HYDIN: variants seen among roughly 807,000 people sequenced by gnomAD.
HYDIN encodes HYDIN axonemal central pair apparatus protein.
Under a neutral mutation model 403.9 loss-of-function variants are expected in HYDIN, and 132 were observed. The ratio of observed to expected loss-of-function variants is 0.33; its 90% confidence interval spans 0.28 to 0.38. The LOEUF (loss-of-function observed/expected upper bound fraction) is 0.38, where lower values mean the gene tolerates loss of function less well. HYDIN is among the 10% of genes least tolerant of loss of function. HYDIN has a pLI of 1.00. For synonymous variants in HYDIN, 1,202 were observed against 1,891.7 expected, an observed-to-expected ratio of 0.64 and a Z score of 9.46; for missense variants, 2,827 against 5,009.5, an observed-to-expected ratio of 0.56 and a Z score of 13.15.
intron 68 of HYDIN, 67 bp from the exon 69 acceptor site, chr16:70,862,322 C>T: frequency 1.1e-6 from 1 of 910,314 alleles, no homozygotes; most frequent in Non-Finnish European, 1.7e-6. Context: ...AGGGAGCCCA[C>T]TTACAGGTCC....
At position 71,069,522 on chromosome 16, in the gene HYDIN, G is replaced by A. The variant is rs2082389787; in HGVS notation, c.1739-20C>T. ...GAAACCCTGGAAAACAAAATATGAT[G>A]TGAGAAATAAAAGCCCCCCCAACAC... On this transcript the variant is annotated intron_variant, in intron 13 of 85. Transcript: ENST00000393567. 1.2e-6 allele frequency: 2 copies of A among 1,607,066 alleles called. No homozygotes were observed. The highest frequency in any genetic ancestry group is 1.1e-5 in the South Asian group (1 of 90,460).
intron 53 of HYDIN, among the ~76,000 whole-genome samples, chr16:70,896,570 G>A (rs894911195): frequency 5.9e-5 from 9 of 151,310 alleles, no homozygotes; most frequent in African/African-American, 2.0e-4. Context: ...TGCCTAGGCT[G>A]GTCTTGAACT....
intron 1 of HYDIN, among the ~76,000 whole-genome samples, chr16:71,189,174 C>T (rs2087297167): frequency 1.3e-5 from 2 of 152,098 alleles, no homozygotes; most frequent in Admixed American, 6.6e-5. Context: ...GGAATCTATC[C>T]AAATGATACA....
rs1197502080 is a variant in HYDIN at position 70,920,979 on chromosome 16, T to A, written c.7397A>T (p.Asp2466Val). Residue 2466 changes from aspartate to valine, a missense_variant, in exon 46 of 86, where the codon GAT (aspartate) becomes GTT (valine). Transcript: ENST00000393567. ...KFKTYELTLK[D>V]VQNILMYWDR... ...CCAGTACATGAGGATGTTCTGGACA[T>A]CCTTCAGTGTCAATTCATAGGTCTT... 2 of 1,588,780 alleles carry A rather than the reference T, an allele frequency of 1.3e-6. No individual in the cohort carries two copies. The highest frequency in any genetic ancestry group is 1.7e-6 in the Non-Finnish European group (2 of 1,164,244).
chr16:71,057,785 C>T (rs2081949600), intron 18 of HYDIN, among the ~76,000 whole-genome samples: 1 of 145,038 alleles, frequency 6.9e-6, no homozygotes, highest in Admixed American at 7.0e-5. Flanking sequence ...GGGCGAAGGA[C>T]ATGAACAGAC....
At chr16:71,202,876 T>C (rs943608573) in intron 1 of HYDIN, among the ~76,000 whole-genome samples, 8 of 152,164 alleles carry the variant, frequency 5.3e-5, no homozygotes, top group Non-Finnish European at 1.0e-4. Context: ...AAGAACCCAC[T>C]GCCCTCTCCA....
intron 7 of HYDIN, among the ~76,000 whole-genome samples, chr16:71,146,034 GTTGT>G (rs1395251952): frequency 6.6e-6 from 1 of 152,104 alleles, no homozygotes; most frequent in African/African-American, 2.4e-5. Flanking sequence ...CATATGTAGA[GTTGT>G]TTATTTATAA....
At chr16:71,153,420 G>A (rs917999616) in intron 6 of HYDIN, among the ~76,000 whole-genome samples, 76 of 151,090 alleles carry the variant, frequency 5.0e-4, no homozygotes, top group African/African-American at 1.6e-3. Flanking sequence ...TAACAGTAGC[G>A]CTGCCACAAA....
intron 1 of HYDIN, among the ~76,000 whole-genome samples, chr16:71,219,356 A>T (rs952702714): frequency 2.0e-5 from 3 of 152,270 alleles, no homozygotes; most frequent in African/African-American, 7.2e-5. Context: ...AAATTACAAG[A>T]GATTGCTTTT....
chr16:70,993,052 G>A (rs1400086335), intron 23 of HYDIN, among the ~76,000 whole-genome samples: 1 of 152,040 alleles, frequency 6.6e-6, no homozygotes, highest in Non-Finnish European at 1.5e-5. Context: ...GTACTCAGAG[G>A]CTCAGCACAA....
intron 18 of HYDIN, among the ~76,000 whole-genome samples, chr16:71,036,221 T>C (rs1438154957): frequency 7.3e-5 from 11 of 151,438 alleles, no homozygotes; most frequent in Non-Finnish European, 1.0e-4. Flanking sequence ...AGAGTTCACA[T>C]CCATCTGCTT....
intron 23 of HYDIN, among the ~76,000 whole-genome samples, chr16:71,017,369 A>G (rs2080298713): frequency 1.5e-5 from 2 of 132,752 alleles, no homozygotes; most frequent in African/African-American, 3.0e-5. Flanking sequence ...AAAAAAAAAA[A>G]GTGTTTGGCA....
At position 71,179,013 on chromosome 16, in the gene HYDIN, T is replaced by C; in HGVS notation, c.296A>G (p.Gln99Arg). 6.2e-7 allele frequency: 1 copy of C among 1,612,068 alleles called. No individual in the cohort carries two copies. The highest frequency in any genetic ancestry group is 8.5e-7 in the Non-Finnish European group (1 of 1,178,342). The change falls in exon 4 of 86, where the codon CAG becomes CGG. Residue 99 changes from glutamine to arginine, a missense_variant. Coordinates refer to ENST00000393567, the MANE Select transcript of HYDIN (RefSeq NM_001270974.2). ...AAATATAATTTCTGATGGAAAGGGC[T>C]GGAATAATGCCTGATCCAGGTCAAT... ...SGIDLDQALF[Q>R]PFPSEIIFQN...
Position 70,908,832 on chromosome 16 carries a change from C to G in HYDIN, c.8034G>C (p.Lys2678Asn). 6.2e-7 allele frequency: 1 copy of G among 1,614,172 alleles called. No individual in the cohort carries two copies. The highest frequency in any genetic ancestry group is 8.5e-7 in the Non-Finnish European group (1 of 1,180,032). Residue 2678 changes from lysine to asparagine, a missense_variant, in exon 48 of 86, where the codon AAG becomes AAC. Transcript: ENST00000393567. ...TTTCTTTCATTTTCTGTTTGCCCCC[C>G]TTAGATGAGCTGGTCTGCTCCTCTT... ...KAQEEQTSSS[K>N]GGKQKMKEKI...
chr16:70,882,795 C>G lies in HYDIN; in HGVS notation c.10080G>C (p.Leu3360=). 1 of 1,499,360 alleles carries G rather than the reference C, an allele frequency of 6.7e-7. No individual in the cohort carries two copies. The highest frequency in any genetic ancestry group is 9.3e-7 in the Non-Finnish European group (1 of 1,075,616). 92.9% of individuals were successfully genotyped at this position (1,499,360 alleles called of 1,614,324 possible). A position where few individuals can be genotyped will look rare whatever the true frequency, so the allele number is the denominator to read the frequency against. ...TGAACTTGTTCTCATCCTCGACGAA[C>G]AGCCCCCCGCTCTCTATGGTCTGCA... The part of the protein sequence containing the change: ...HILQTIESGG[L]FVEDENKFIF... The change falls in exon 60 of 86, where the codon CTG becomes CTC. Residue 3360 remains leucine (L), a synonymous_variant. Coordinates refer to ENST00000393567, the MANE Select transcript of HYDIN (RefSeq NM_001270974.2).
At chr16:70,875,735 G>T (rs2040406931) in intron 62 of HYDIN, among the ~76,000 whole-genome samples, 1 of 152,154 alleles carries the variant, frequency 6.6e-6, no homozygotes, top group Non-Finnish European at 1.5e-5. Context: ...CTGGTGGAGA[G>T]TCTAAATACT....
chr16:71,134,999 A>AGTTT (rs2144527879), intron 8 of HYDIN, among the ~76,000 whole-genome samples: 1 of 152,328 alleles, frequency 6.6e-6, no homozygotes, highest in African/African-American at 2.4e-5. Context: ...ATAAAACAAT[A>AGTTT]GTTTGGAGAA....
In HYDIN at chr16:70,806,546, TCC is replaced by T. The variant is rs2035115407; in HGVS notation, c.*1032_*1033del. Among the ~76,000 whole-genome samples the T allele has an allele frequency of 6.6e-6, 1 of 152,116 alleles. No homozygotes were observed. On this transcript the variant is annotated 3_prime_UTR_variant, in exon 86 of 86. Transcript: ENST00000393567. ...ACTGAGAGTTTGACTTTTAATAAATTCCCAGGTGATAGTACTGCTGCTGGCCC... is the reference window on the plus strand; with the variant it reads ...ACTGAGAGTTTGACTTTTAATAAATTCAGGTGATAGTACTGCTGCTGGCCC...
At chr16:70,908,581 G>C (rs2076602285) in intron 48 of HYDIN, 72 bp downstream of exon 48, 1 of 1,505,512 alleles carries the variant, frequency 6.6e-7, no homozygotes, top group Non-Finnish European at 9.0e-7. Context: ...TTCCCCTCCA[G>C]TGCTGTGACA....
Sources: allele counts gnomAD v4.1 joint callset (sites outside exome capture counted in the v4.1 genomes callset), GRCh38; gene constraint gnomAD v4.1.1; transcripts MANE v1.5; gene names NCBI Gene and HGNC (gene_info 2026-07-23, HGNC 2026-07-21).